Variants in PDE7A observed in about 807,000 individuals in gnomAD.
PDE7A encodes phosphodiesterase 7A, also known as high affinity 3',5'-cyclic-AMP phosphodiesterase 7A.
PDE7A carries 39 observed loss-of-function variants against 64.3 expected under a neutral mutation model. The ratio of observed to expected loss-of-function variants is 0.61; its 90% CI spans 0.47 to 0.79. The LOEUF (loss-of-function observed/expected upper bound fraction) is 0.79. Ranked by LOEUF, PDE7A falls within the 30% of genes least tolerant of loss-of-function variation. The probability of loss-of-function intolerance (pLI) is 0.00; values close to 1 mark genes in which losing one functional copy is unlikely to be tolerated. For synonymous variants in PDE7A, 203 were observed against 206.8 expected (o/e 0.98, Z 0.16); for missense variants, 470 against 582.8 (o/e 0.81, Z 1.99).
At chr8:65,751,575 C>T (rs1237808462) in intron 3 of PDE7A, among the ~76,000 whole-genome samples, 1 of 152,132 alleles carries the variant, frequency 6.6e-6, no homozygotes, top group Non-Finnish European at 1.5e-5. Context: ...TCACCGCAAC[C>T]TCCGCCTCCG....
At chr8:65,728,998 G>C (rs904878219) in intron 7 of PDE7A, among the ~76,000 whole-genome samples, 2 of 151,458 alleles carry the variant, frequency 1.3e-5, no homozygotes, top group Admixed American at 1.3e-4. Context: ...TAACATTTCT[G>C]CTTGTAAAAA....
At chr8:65,830,514 G>A (rs1001707775) in intron 1 of PDE7A, among the ~76,000 whole-genome samples, 1 of 151,972 alleles carries the variant, frequency 6.6e-6, no homozygotes, top group Non-Finnish European at 1.5e-5. Context: ...ACAGAATCAA[G>A]CAGAACCCCA....
intron 3 of PDE7A, among the ~76,000 whole-genome samples, chr8:65,749,264 T>C (rs548703533): frequency 9.2e-5 from 14 of 152,336 alleles, no homozygotes; most frequent in African/African-American, 3.4e-4. Context: ...AGCCTAATAG[T>C]AATGCAAAGC....
intron 1 of PDE7A, among the ~76,000 whole-genome samples, chr8:65,789,287 T>C (rs1035799398): frequency 6.6e-6 from 1 of 152,174 alleles, no homozygotes; most frequent in Non-Finnish European, 1.5e-5. Context: ...CCCAAACACT[T>C]CTACAATCTT....
intron 2 of PDE7A, chr8:65,781,041 T>C (rs921885042): frequency 6.6e-6 from 1 of 152,246 alleles, no homozygotes; most frequent in Admixed American, 6.5e-5. Flanking sequence ...CTTATCTTTT[T>C]GTGTGATGAC....
Position 65,719,366 on chromosome 8 carries a change from T to C in PDE7A, c.1373A>G (p.Gln458Arg). The C allele has an allele frequency of 6.2e-7, 1 of 1,614,086 alleles. No homozygotes were observed. The highest frequency in any genetic ancestry group is 8.5e-7 in the Non-Finnish European group (1 of 1,179,896). Residue 458 changes from glutamine to arginine, a missense_variant, in exon 13 of 13, where the codon CAG becomes CGG. Transcript: ENST00000401827. The stretch of plus-strand genomic sequence containing the variant: ...AGCATCAGTGTCCTCACTGCTCGAC[T>C]GTTCTCTCTGCAGTCCCTTCCAGCT... ...KASWKGLQRE[Q>R]SSSEDTDAAF...
At chr8:65,754,889 C>G (rs890223485) in intron 3 of PDE7A, among the ~76,000 whole-genome samples, 2 of 149,740 alleles carry the variant, frequency 1.3e-5, no homozygotes, top group African/African-American at 4.9e-5. Flanking sequence ...CGCCTGAACC[C>G]GGGAGGCGGA....
chr8:65,784,870 C>T (rs1264525874), intron 1 of PDE7A, among the ~76,000 whole-genome samples: 1 of 151,934 alleles, frequency 6.6e-6, no homozygotes, highest in Non-Finnish European at 1.5e-5. Context: ...TAAAGAAATA[C>T]ATATTAAAGC....
chr8:65,797,830 C>T (rs1809879025), intron 1 of PDE7A, among the ~76,000 whole-genome samples: 1 of 151,384 alleles, frequency 6.6e-6, no homozygotes, highest in Non-Finnish European at 1.5e-5. Context: ...TAAAATGAGT[C>T]TAACAATCTC....
chr8:65,791,130 T>C (rs1809690963), intron 1 of PDE7A, among the ~76,000 whole-genome samples: 1 of 152,258 alleles, frequency 6.6e-6, no homozygotes, highest in Non-Finnish European at 1.5e-5. Flanking sequence ...GTACAATACT[T>C]GAAAAATCAT....
At chr8:65,798,276 C>A (rs1316059244) in intron 1 of PDE7A, among the ~76,000 whole-genome samples, 2 of 145,252 alleles carry the variant, frequency 1.4e-5, no homozygotes, top group Non-Finnish European at 3.0e-5. Context: ...GTGGCGTAAT[C>A]TTGGCTCACT....
At chr8:65,788,861 C>T (rs1426587399) in intron 1 of PDE7A, 7 of 1,510,050 alleles carry the variant, frequency 4.6e-6, no homozygotes, top group South Asian at 1.1e-5. Flanking sequence ...TGTCACCATC[C>T]TAAAAATAAA....
Position 65,733,400 on chromosome 8 carries a change from C to A in PDE7A, c.696+1394G>T, listed in dbSNP as rs1369730991. Among the ~76,000 whole-genome samples, 4 of 152,268 alleles carry A rather than the reference C, an allele frequency of 2.6e-5. No homozygotes were observed. The East Asian group carries it at 7.7e-4, about 29-fold the overall frequency. On this transcript the variant is annotated intron_variant, in intron 7 of 12. Coordinates refer to ENST00000401827, the MANE Select transcript of PDE7A (RefSeq NM_001242318.3). ...GATTGTATGGTGATTACTCATCAAT[C>A]TCTCCCACAACATTCTCAAACAGAG... is the stretch of plus-strand genomic sequence containing the variant.
intron 1 of PDE7A, among the ~76,000 whole-genome samples, chr8:65,822,826 A>C (rs1810574371): frequency 6.6e-6 from 1 of 152,180 alleles, no homozygotes; most frequent in Non-Finnish European, 1.5e-5. Flanking sequence ...ATTTCTATAC[A>C]GGCTCCCCCA....
chr8:65,780,759 GC>G (rs1809391369), intron 2 of PDE7A: 1 of 152,222 alleles, frequency 6.6e-6, no homozygotes, highest in African/African-American at 2.4e-5. Flanking sequence ...CACTTTTACA[GC>G]CTCCAAGTTC....
Position 65,769,205 on chromosome 8 carries a change from G to A in PDE7A, c.283+10515C>T, listed in dbSNP as rs150477207. ...GGTGGTTGCAGTGTGCTAAGATCAC[G>A]CCACTGCACTCCAGCCTAGGTGACA... On this transcript the variant is annotated intron_variant, in intron 3 of 12. Transcript: ENST00000401827. Among the ~76,000 whole-genome samples the A allele has an allele frequency of 4.1e-3, 568 of 137,036 alleles. 11 individuals are homozygous for A. The highest frequency in any genetic ancestry group is 0.036 in the Admixed American group (453 of 12,556). The allele number at this position is 137,036 out of a possible 152,430, so 89.9% of individuals were successfully genotyped here. A position where few individuals can be genotyped will look rare whatever the true frequency, so the allele number is the denominator to read the frequency against.
At chr8:65,810,277 CAT>C (rs1810224544) in intron 1 of PDE7A, among the ~76,000 whole-genome samples, 1 of 148,054 alleles carries the variant, frequency 6.8e-6, no homozygotes, top group South Asian at 2.1e-4. Flanking sequence ...TGTTCTCACT[CAT>C]AGGTGGGAAT....
Position 65,723,531 on chromosome 8 carries a change from GTA to G in PDE7A, c.1243+8_1243+9del. ...TTTCTAACCAGCTATATCTAAATATGTATAGTTACCAATCTGGATGTTGGCAA... is the reference window on the plus strand; with the variant it reads ...TTTCTAACCAGCTATATCTAAATATGTAGTTACCAATCTGGATGTTGGCAA... On this transcript the variant is annotated splice_region_variant and intron_variant, in intron 12 of 12. Coordinates refer to ENST00000401827, the MANE Select transcript of PDE7A (RefSeq NM_001242318.3). 6.5e-7 allele frequency: 1 copy of G among 1,546,148 alleles called. No homozygotes were observed. Among genetic ancestry groups the G allele is most frequent in the East Asian group, 2.4e-5 (1 of 41,994 alleles).
intron 1 of PDE7A, among the ~76,000 whole-genome samples, chr8:65,787,222 G>A (rs188455795): frequency 6.6e-6 from 1 of 152,066 alleles, no homozygotes; most frequent in African/African-American, 2.4e-5. Context: ...TGCTCCTTGT[G>A]CCAAAAAAAT....
Sources: gnomAD v4.1 joint callset for allele counts (sites outside exome capture counted in the v4.1 genomes callset) on GRCh38, gnomAD v4.1.1 for gene constraint, MANE v1.5 for transcripts, NCBI Gene and HGNC (gene_info 2026-07-23, HGNC 2026-07-21) for gene names.